ATP7B: variants seen among roughly 807,000 people sequenced by gnomAD.
ATP7B encodes ATPase copper transporting beta.
In ATP7B, 113 loss-of-function variants were observed where a neutral mutation model predicts 118.9. The ratio of observed to expected loss-of-function variants is 0.95; its 90% CI spans 0.82 to 1.11. The LOEUF (loss-of-function observed/expected upper bound fraction) is 1.11. ATP7B is among the 50% of genes most tolerant of loss of function. The pLI, the probability that ATP7B is intolerant of heterozygous loss-of-function variation, is 0.00. For missense variants in ATP7B, 1,867 were observed against 1,871.4 expected (o/e 1.00, Z 0.04); for synonymous variants, 777 against 727.4 (o/e 1.07, Z -1.10).
intron 1 of ATP7B, among the ~76,000 whole-genome samples, chr13:51,983,881 C>T (rs560447185): frequency 8.5e-5 from 13 of 152,188 alleles, no homozygotes; most frequent in African/African-American, 7.2e-5. Context: ...ACAAAAAGGA[C>T]GTCCACTCAG....
intron 1 of ATP7B, among the ~76,000 whole-genome samples, chr13:51,985,819 T>C (rs926817563): frequency 2.0e-5 from 3 of 152,188 alleles, no homozygotes; most frequent in African/African-American, 4.8e-5. Flanking sequence ...GAATGACTAC[T>C]GGGTAAATAA....
At chr13:51,991,232 C>T (rs1179301348) in intron 1 of ATP7B, among the ~76,000 whole-genome samples, 1 of 152,216 alleles carries the variant, frequency 6.6e-6, no homozygotes, top group Non-Finnish European at 1.5e-5. Context: ...ATCCTCCCTG[C>T]TGCAGTATAA....
In ATP7B at chr13:51,960,284, A is replaced by G. The variant is rs1958644805; in HGVS notation, c.1985T>C (p.Ile662Thr). Residue 662 changes from isoleucine (I) to threonine (T), a missense_variant, in exon 7 of 21, where the codon ATC becomes ACC. Coordinates refer to ENST00000242839, the MANE Select transcript of ATP7B (RefSeq NM_000053.4). ...ATAGATCATTAAGGCCATGACAGGG[A>G]TGCCAAACACCAGGCTGCACAGGAA... ...KSFLCSLVFG[I>T]PVMALMIYML... The G allele has an allele frequency of 6.2e-7, 1 of 1,613,914 alleles. No individual in the cohort carries two copies. Among genetic ancestry groups the G allele is most frequent in the Non-Finnish European group, 8.5e-7 (1 of 1,179,860 alleles).
intron 6 of ATP7B, among the ~76,000 whole-genome samples, 166 bp from the exon 7 acceptor site, chr13:51,960,488 G>A (rs1225378349): frequency 1.3e-5 from 2 of 152,144 alleles, no homozygotes; most frequent in Non-Finnish European, 2.9e-5. Context: ...TCTGACACTG[G>A]CCATCTGAGG....
intron 9 of ATP7B, among the ~76,000 whole-genome samples, chr13:51,952,554 A>T (rs1034729370): frequency 6.6e-6 from 1 of 152,246 alleles, no homozygotes; most frequent in African/African-American, 2.4e-5. Flanking sequence ...ATACAAGGTG[A>T]GTCTTATTAC....
In ATP7B at chr13:51,974,176, G is replaced by C. The variant is rs1292320157; in HGVS notation, c.1044C>G (p.Ser348=). 3 of 1,517,206 alleles carry C rather than the reference G, an allele frequency of 2.0e-6. No homozygotes were observed. The highest frequency in any genetic ancestry group is 1.8e-6 in the Non-Finnish European group (2 of 1,127,496). The allele number at this position is 1,517,206 out of a possible 1,614,324, so 94.0% of individuals were successfully genotyped here. Residue 348 remains serine (S), a synonymous_variant, in exon 2 of 21, where the codon TCC becomes TCG. Transcript: ENST00000242839. ...HRSSSSHSPG[S]PPRNQVQGTC... is the part of the protein sequence containing the mutation. ...TGCCCTGGACCTGGTTTCTCGGTGGGGAGCCAGGGGAATGAGAACTGGAAG... is the reference window on the plus strand; with the variant it reads ...TGCCCTGGACCTGGTTTCTCGGTGGCGAGCCAGGGGAATGAGAACTGGAAG...
chr13:52,006,675 CA>C (rs2140645734), intron 1 of ATP7B, among the ~76,000 whole-genome samples: 1 of 152,344 alleles, frequency 6.6e-6, no homozygotes, highest in African/African-American at 2.4e-5. Context: ...GCCTGATAAA[CA>C]GGGTCTTCCA....
rs1248318585 is a variant in ATP7B, at chr13:51,937,353, T to C, written c.3944A>G (p.Lys1315Arg). The part of the protein sequence containing the change: ...LDVVASIHLS[K>R]RTVRRIRINL... Reference sequence around the variant, plus strand: ...GATGCGTATCCTTCGGACAGTCCTCTTGGAAAGGTGAATGCTAGCCACCAC... The same window carrying C: ...GATGCGTATCCTTCGGACAGTCCTCCTGGAAAGGTGAATGCTAGCCACCAC... Residue 1315 changes from lysine (K) to arginine (R), a missense_variant, in exon 19 of 21, where the codon AAG (lysine) becomes AGG (arginine). Physicochemically the swap from Lys to Arg is conservative, Grantham distance 26. Coordinates refer to ENST00000242839, the MANE Select transcript of ATP7B (RefSeq NM_000053.4). 6.2e-7 allele frequency: 1 copy of C among 1,614,056 alleles called. No homozygotes were observed. The highest frequency in any genetic ancestry group is 8.5e-7 in the Non-Finnish European group (1 of 1,180,034).
intron 1 of ATP7B, among the ~76,000 whole-genome samples, chr13:52,005,512 T>A (rs976059904): frequency 6.6e-6 from 1 of 152,146 alleles, no homozygotes; most frequent in African/African-American, 2.4e-5. Context: ...TATTCCTCAT[T>A]TCTGTCTAAG....
intron 1 of ATP7B, among the ~76,000 whole-genome samples, chr13:51,999,047 G>A (rs149170654): frequency 2.0e-5 from 3 of 152,290 alleles, no homozygotes; most frequent in Non-Finnish European, 4.4e-5. Flanking sequence ...ACTGCAAACA[G>A]CACAGCCACC....
chr13:51,957,431 A>G, intron 9 of ATP7B, 85 bp downstream of exon 9: 6 of 1,343,482 alleles, frequency 4.5e-6, no homozygotes, highest in Non-Finnish European at 6.4e-6. Flanking sequence ...GGTCTATTGC[A>G]ATGTCAATAC....
At position 51,975,128 on chromosome 13, in the gene ATP7B, G is replaced by A. The variant is rs1373365533; in HGVS notation, c.92C>T (p.Pro31Leu). Reference sequence around the variant, plus strand: ...AAAAGCAAAACTCTTCTTCATTGCTGGTTCCCAGGCACGGGTAGGCAAAGA... The same window carrying A: ...AAAAGCAAAACTCTTCTTCATTGCTAGTTCCCAGGCACGGGTAGGCAAAGA... ...KLSLPTRAWE[P>L]AMKKSFAFDN... The change falls in exon 2 of 21, where the codon CCA (proline) becomes CTA (leucine). Residue 31 changes from proline (P) to leucine (L), a missense_variant. Pro to Leu is a moderately conservative substitution (Grantham distance 98). Transcript: ENST00000242839. 1.9e-6 allele frequency: 3 copies of A among 1,614,178 alleles called. No homozygotes were observed. The South Asian group carries it at 3.3e-5, about 18-fold the overall frequency.
intron 1 of ATP7B, among the ~76,000 whole-genome samples, chr13:51,998,337 C>T (rs970738478): frequency 2.0e-5 from 3 of 152,190 alleles, no homozygotes; most frequent in Non-Finnish European, 4.4e-5. Flanking sequence ...GATCTCATAT[C>T]TTAGCTGCCC....
chr13:51,970,889 A>G, intron 2 of ATP7B, 140 bp from the exon 3 acceptor site: 1 of 614,982 alleles, frequency 1.6e-6, no homozygotes, highest in Non-Finnish European at 2.7e-6. Flanking sequence ...TCCAGTAACT[A>G]CCTTGTCCCT....
intron 1 of ATP7B, among the ~76,000 whole-genome samples, chr13:52,004,908 T>G (rs1295483961): frequency 2.6e-5 from 4 of 152,314 alleles, no homozygotes; most frequent in African/African-American, 7.2e-5. Flanking sequence ...TGAACTCTGC[T>G]CAGCTGCAGT....
chr13:51,989,154 G>A (rs778851013), intron 1 of ATP7B, among the ~76,000 whole-genome samples: 9 of 152,032 alleles, frequency 5.9e-5, no homozygotes, highest in Non-Finnish European at 1.2e-4. Context: ...AGGAAGGTTC[G>A]AGTACTCTAC....
chr13:51,991,979 G>C (rs1289498426), intron 1 of ATP7B, among the ~76,000 whole-genome samples: 2 of 152,104 alleles, frequency 1.3e-5, no homozygotes, highest in Admixed American at 1.3e-4. Context: ...GTGCCCTCCA[G>C]ACTCTGAGCT....
In ATP7B at chr13:51,965,050, C is replaced by T. The variant is rs1951477839; in HGVS notation, c.1708-17G>A. 1.9e-6 allele frequency: 3 copies of T among 1,613,694 alleles called. No individual in the cohort carries two copies. The highest frequency in any genetic ancestry group is 2.5e-6 in the Non-Finnish European group (3 of 1,179,966). Reference sequence around the variant, plus strand: ...CCCTGTGATCTGCAACACAGGATGGCAAGAATCCCACAGACCCAGGATCAA... The same window carrying T: ...CCCTGTGATCTGCAACACAGGATGGTAAGAATCCCACAGACCCAGGATCAA... On this transcript the variant is annotated splice_polypyrimidine_tract_variant and intron_variant, in intron 4 of 20. Coordinates refer to ENST00000242839, the MANE Select transcript of ATP7B (RefSeq NM_000053.4).
chr13:51,972,274 A>C (rs1287307999), intron 2 of ATP7B, among the ~76,000 whole-genome samples: 1 of 152,132 alleles, frequency 6.6e-6, no homozygotes, highest in Non-Finnish European at 1.5e-5. Flanking sequence ...TCCCCTAGTT[A>C]ACCCGCGAAG....
Sources: gnomAD v4.1 joint callset for allele counts (sites outside exome capture counted in the v4.1 genomes callset) on GRCh38, gnomAD v4.1.1 for gene constraint, MANE v1.5 for transcripts, NCBI Gene and HGNC (gene_info 2026-07-23, HGNC 2026-07-21) for gene names.